Variants in NRP2 observed in about 807,000 individuals in gnomAD.
The protein encoded by NRP2 is neuropilin-2.
In NRP2, 52 loss-of-function variants were observed where a neutral mutation model predicts 110.4. That is an observed-to-expected ratio of 0.47 (90% confidence interval 0.38 to 0.59). The LOEUF is 0.59. NRP2 is among the 20% of genes least tolerant of loss of function. NRP2 has a pLI of 0.00. For missense variants in NRP2, 1,049 were observed against 1,203.0 expected (o/e 0.87, Z 1.89); for synonymous variants, 508 against 468.9 (o/e 1.08, Z -1.08).
rs79414385 is a variant in NRP2, at chr2:205,794,956, C to T, written c.2679C>T (p.Ser893=). ...LYCTCSYSGL[S]SRSCTTLENY... ...GCACCTGTTCCTACTCGGGCCTGAGCTCCCGAAGCTGCACCACACTGGAGA... is the reference window on the plus strand; with the variant it reads ...GCACCTGTTCCTACTCGGGCCTGAGTTCCCGAAGCTGCACCACACTGGAGA... The change falls in exon 17 of 17, where the codon AGC becomes AGT. Residue 893 remains serine, a synonymous_variant. Transcript: ENST00000357785. The T allele has an allele frequency of 8.7e-4, 1,401 of 1,614,168 alleles. 20 individuals carry two copies. The African/African-American group carries it at 0.017, about 19-fold the overall frequency.
intron 15 of NRP2, among the ~76,000 whole-genome samples, chr2:205,785,069 A>G (rs913478554): frequency 6.6e-6 from 1 of 152,246 alleles, no homozygotes; most frequent in African/African-American, 2.4e-5. Flanking sequence ...TCAGAAGAAG[A>G]GCCCATCTTT....
chr2:205,789,393 G>T (rs2058272852), intron 15 of NRP2, among the ~76,000 whole-genome samples: 1 of 152,062 alleles, frequency 6.6e-6, no homozygotes, highest in South Asian at 2.1e-4. Context: ...TCTTCTAGAG[G>T]TTTGGCCCAT....
intron 2 of NRP2, among the ~76,000 whole-genome samples, chr2:205,710,401 T>C (rs1290597466): frequency 6.6e-6 from 1 of 152,162 alleles, no homozygotes; most frequent in Non-Finnish European, 1.5e-5. Context: ...TTGGATGAAA[T>C]GAGGATTAAA....
intron 7 of NRP2, among the ~76,000 whole-genome samples, chr2:205,729,531 G>A (rs1341242559): frequency 4.0e-5 from 6 of 149,588 alleles, no homozygotes; most frequent in African/African-American, 9.9e-5. Context: ...GCTAGCAGAC[G>A]AGGGCCAGAA....
intron 1 of NRP2, among the ~76,000 whole-genome samples, chr2:205,685,268 C>T (rs1444265308): frequency 6.6e-6 from 1 of 152,202 alleles, no homozygotes; most frequent in East Asian, 1.9e-4. Context: ...GGTGGGATCT[C>T]AGGGTGGGAT....
At chr2:205,690,046 G>A (rs975682236) in intron 1 of NRP2, among the ~76,000 whole-genome samples, 2 of 152,232 alleles carry the variant, frequency 1.3e-5, no homozygotes, top group African/African-American at 4.8e-5. Context: ...CCAGCTGAGT[G>A]CACGTGGCCG....
chr2:205,784,911 A>T (rs574512087), intron 15 of NRP2, among the ~76,000 whole-genome samples: 22 of 152,280 alleles, frequency 1.4e-4, no homozygotes, highest in Non-Finnish European at 2.4e-4. Context: ...AGGGGACCAC[A>T]CCTGAAGCCA....
chr2:205,754,239 A>G (rs2057697765), intron 12 of NRP2, among the ~76,000 whole-genome samples: 1 of 152,140 alleles, frequency 6.6e-6, no homozygotes, highest in Non-Finnish European at 1.5e-5. Flanking sequence ...AAAATAAAAG[A>G]GGGAAAGGGA....
chr2:205,736,321 G>A (rs2057342409), intron 7 of NRP2, among the ~76,000 whole-genome samples: 2 of 152,244 alleles, frequency 1.3e-5, no homozygotes, highest in East Asian at 3.9e-4. Context: ...CAGCCTGGGT[G>A]ACAGAGCAAA....
At chr2:205,785,054 T>C (rs775907010) in intron 15 of NRP2, among the ~76,000 whole-genome samples, 2 of 152,232 alleles carry the variant, frequency 1.3e-5, no homozygotes, top group Non-Finnish European at 2.9e-5. Flanking sequence ...CATTCATTCT[T>C]GTGTTCAGAA....
intron 15 of NRP2, among the ~76,000 whole-genome samples, chr2:205,770,698 G>A (rs2058007986): frequency 6.6e-6 from 1 of 152,216 alleles, no homozygotes; most frequent in African/African-American, 2.4e-5. Context: ...ATGAAAGGCA[G>A]AGAAGTGTTC....
Position 205,751,381 on chromosome 2 carries a change from T to C in NRP2, c.1904-1454T>C, listed in dbSNP as rs371006865. Among the ~76,000 whole-genome samples, 20 of 152,340 alleles carry C rather than the reference T, an allele frequency of 1.3e-4. No homozygotes were observed. The East Asian group carries it at 1.7e-3, about 13-fold the overall frequency. On this transcript the variant is annotated intron_variant, in intron 11 of 16. Coordinates refer to ENST00000357785, the MANE Select transcript of NRP2 (RefSeq NM_003872.3). ...AGAATTTGGTTCCTGAGATACAGTA[T>C]ACATGTAAACATTACAGAGGATTTA...
rs1165239387 is a variant in NRP2, at chr2:205,726,045, G to C, written c.953G>C (p.Trp318Ser). 1 of 1,614,178 alleles carries C rather than the reference G, an allele frequency of 6.2e-7. No homozygotes were observed. The highest frequency in any genetic ancestry group is 1.7e-5 in the Admixed American group (1 of 60,022). Residue 318 changes from tryptophan (W) to serine (S), a missense_variant, in exon 6 of 17, where the codon TGG becomes TCG. Trp to Ser is a radical substitution (Grantham distance 177). Coordinates refer to ENST00000357785, the MANE Select transcript of NRP2 (RefSeq NM_003872.3). ...CGGCTCCATGGTGATGACAATGGCT[G>C]GACCCCCAACTTGGATTCCAACAAG... ...QSRLHGDDNG[W>S]TPNLDSNKEY...
At chr2:205,788,903 GT>G (rs2058266934) in intron 15 of NRP2, among the ~76,000 whole-genome samples, 1 of 152,170 alleles carries the variant, frequency 6.6e-6, no homozygotes, top group African/African-American at 2.4e-5. Context: ...ACTAAGTGGT[GT>G]TAGGCTGGTT....
chr2:205,723,055 C>T (rs1222773603), intron 4 of NRP2, among the ~76,000 whole-genome samples: 2 of 152,198 alleles, frequency 1.3e-5, no homozygotes, highest in African/African-American at 2.4e-5. Context: ...CCAGACTGGC[C>T]GGGCTTAACT....
At chr2:205,712,434 T>C (rs890860407) in intron 2 of NRP2, among the ~76,000 whole-genome samples, 1 of 152,200 alleles carries the variant, frequency 6.6e-6, no homozygotes, top group African/African-American at 2.4e-5. Context: ...TTGACTATCG[T>C]TGGGGTGAGC....
chr2:205,771,517 A>C (rs2058023400), intron 15 of NRP2, among the ~76,000 whole-genome samples: 1 of 152,236 alleles, frequency 6.6e-6, no homozygotes, highest in African/African-American at 2.4e-5. Context: ...TGAAAGAGAA[A>C]GAGAGAAGGC....
intron 15 of NRP2, among the ~76,000 whole-genome samples, chr2:205,786,857 T>C (rs2058241693): frequency 6.6e-6 from 1 of 152,184 alleles, no homozygotes; most frequent in Admixed American, 6.5e-5. Context: ...TCATGGGTTC[T>C]CTTGACCTGT....
At chr2:205,718,542 C>T (rs1188338413) in intron 3 of NRP2, among the ~76,000 whole-genome samples, 1 of 152,162 alleles carries the variant, frequency 6.6e-6, no homozygotes, top group Non-Finnish European at 1.5e-5. Flanking sequence ...CAGCCACACT[C>T]CTGGCAATGT....
Sources: allele counts gnomAD v4.1 joint callset (sites outside exome capture counted in the v4.1 genomes callset), GRCh38; gene constraint gnomAD v4.1.1; transcripts MANE v1.5; gene names NCBI Gene and HGNC (gene_info 2026-07-23, HGNC 2026-07-21).